Variants in SLC39A12 observed in about 807,000 individuals in gnomAD.
SLC39A12 encodes the protein solute carrier family 39 member 12, also known as zinc transporter ZIP12.
A neutral mutation model predicts 71.1 loss-of-function variants in SLC39A12; 63 were observed. The observed-to-expected ratio is 0.89, with a 90% CI of 0.72 to 1.09. The LOEUF is 1.09. Among genes scored for constraint, SLC39A12 ranks in the 50% least tolerant of loss-of-function variants. The probability of loss-of-function intolerance (pLI) is 0.00; values close to 1 mark genes in which losing one functional copy is unlikely to be tolerated. For synonymous variants in SLC39A12, 351 were observed against 301.3 expected, an observed-to-expected ratio of 1.16 and a Z score of -1.71; for missense variants, 892 against 812.6, an observed-to-expected ratio of 1.10 and a Z score of -1.19.
In SLC39A12 at chr10:17,998,282, C is replaced by T. The variant is rs536989021; in HGVS notation, c.1601-2385C>T. Reference sequence around the variant, plus strand: ...ACAAAATAATAGCAAAAATAGGCCACACTGGTTTCTAGCAGAGTGTAATAT... The same window carrying T: ...ACAAAATAATAGCAAAAATAGGCCATACTGGTTTCTAGCAGAGTGTAATAT... On this transcript the variant is annotated intron_variant, in intron 10 of 12. Transcript: ENST00000377369. Among the ~76,000 whole-genome samples the T allele has an allele frequency of 3.2e-3, 436 of 135,738 alleles. 2 individuals are homozygous for T. The highest frequency in any genetic ancestry group is 4.6e-3 in the Non-Finnish European group (281 of 60,712). 89.0% of individuals were successfully genotyped at this position (135,738 alleles called of 152,430 possible). A position where few individuals can be genotyped will look rare whatever the true frequency, so the allele number is the denominator to read the frequency against.
Position 17,954,879 on chromosome 10 carries a change from A to C in SLC39A12, c.261+1342A>C, listed in dbSNP as rs529574531. 7.9e-5 allele frequency among the ~76,000 whole-genome samples: 12 copies of C among 152,300 alleles called. No homozygotes were observed. The East Asian group carries it at 2.3e-3, about 29-fold the overall frequency. On this transcript the variant is annotated intron_variant, in intron 2 of 12. Transcript: ENST00000377369. ...CAAGTGTTTTGTTTTTTCATAACAG[A>C]AGAGTTCTTGCTCATAGAGAATTTT...
chr10:17,961,912 G>C, intron 3 of SLC39A12, 50 bp downstream of exon 3: 2 of 1,522,196 alleles, frequency 1.3e-6, no homozygotes, highest in Non-Finnish European at 1.8e-6. Flanking sequence ...TACAGTTCTA[G>C]AGCCTTATTG....
At chr10:17,990,535 C>G (rs963261319) in intron 7 of SLC39A12, among the ~76,000 whole-genome samples, 2 of 151,942 alleles carry the variant, frequency 1.3e-5, no homozygotes, top group African/African-American at 4.8e-5. Context: ...TGAGGTTGAC[C>G]AATGGAATGA....
At chr10:18,003,131 T>C in intron 11 of SLC39A12, 40 bp from the exon 12 acceptor site, 2 of 1,586,112 alleles carry the variant, frequency 1.3e-6, no homozygotes, top group South Asian at 1.1e-5. Context: ...GCGTCTTCCA[T>C]TAAATGATAA....
At chr10:18,035,665 A>G (rs532381085) in intron 12 of SLC39A12, among the ~76,000 whole-genome samples, 4 of 152,316 alleles carry the variant, frequency 2.6e-5, no homozygotes, top group African/African-American at 7.2e-5. Context: ...GTCATTCTCC[A>G]TCCAGCTTTG....
chr10:18,041,794 T>TATACATATGTATAC (rs1837256969), intron 12 of SLC39A12, among the ~76,000 whole-genome samples: 1 of 135,338 alleles, frequency 7.4e-6, no homozygotes, highest in Non-Finnish European at 1.7e-5. Flanking sequence ...CATATGTGTC[T>TATACATATGTATAC]ATATGTATAT....
rs2497827 is a variant in SLC39A12, at chr10:17,978,324, G to C, written c.924+250G>C. 5.3e-5 allele frequency among the ~76,000 whole-genome samples: 8 copies of C among 152,060 alleles called. No individual in the cohort carries two copies. The East Asian group carries it at 1.5e-3, about 29-fold the overall frequency. Reference sequence around the variant, plus strand: ...TTTTCCTCCCTTGGGTTCAGATTGAGTGAATTAATAATTCAGAAAACATAT... The same window carrying C: ...TTTTCCTCCCTTGGGTTCAGATTGACTGAATTAATAATTCAGAAAACATAT... On this transcript the variant is annotated intron_variant, in intron 5 of 12. Coordinates refer to ENST00000377369, the MANE Select transcript of SLC39A12 (RefSeq NM_001145195.2).
At chr10:17,953,645 A>G (rs1411606198) in intron 2 of SLC39A12, 108 bp downstream of exon 2, 3 of 1,305,000 alleles carry the variant, frequency 2.3e-6, no homozygotes, top group African/African-American at 3.0e-5. Context: ...ATCTTCCAAT[A>G]TGCAATTGAG....
chr10:18,000,257 G>A (rs1036810862), intron 10 of SLC39A12, among the ~76,000 whole-genome samples: 12 of 152,256 alleles, frequency 7.9e-5, no homozygotes, highest in African/African-American at 2.9e-4. Context: ...AAGTAGAAAC[G>A]TATGAATTTT....
At chr10:18,014,463 C>T (rs1328760021) in intron 12 of SLC39A12, among the ~76,000 whole-genome samples, 1 of 152,118 alleles carries the variant, frequency 6.6e-6, no homozygotes, top group Non-Finnish European at 1.5e-5. Context: ...AAAATATGTA[C>T]ATTAAAGACA....
chr10:17,952,700 G>A (rs1028110306), intron 1 of SLC39A12, among the ~76,000 whole-genome samples: 18 of 152,002 alleles, frequency 1.2e-4, no homozygotes, highest in Non-Finnish European at 2.2e-4. Flanking sequence ...TATTGGCCAG[G>A]CTGGTCTCAA....
chr10:18,041,459 G>C (rs1460950147), intron 12 of SLC39A12, among the ~76,000 whole-genome samples: 1 of 149,350 alleles, frequency 6.7e-6, no homozygotes, highest in East Asian at 2.0e-4. Context: ...TCCCACCACT[G>C]CACTCCAGCC....
At chr10:17,998,748 G>A (rs533173645) in intron 10 of SLC39A12, among the ~76,000 whole-genome samples, 2 of 152,158 alleles carry the variant, frequency 1.3e-5, no homozygotes, top group South Asian at 4.2e-4. Flanking sequence ...TCTCCTAGAC[G>A]GTAATTTGGG....
chr10:17,967,051 A>T (rs1413228965), intron 4 of SLC39A12, among the ~76,000 whole-genome samples: 2 of 152,190 alleles, frequency 1.3e-5, no homozygotes, highest in Non-Finnish European at 2.9e-5. Context: ...ATCAAAATAA[A>T]GTCCATAAAA....
At position 17,995,647 on chromosome 10, in the gene SLC39A12, T is replaced by C. The variant is rs1483898741; in HGVS notation, c.1534-9T>C. The C allele has an allele frequency of 3.1e-6, 5 of 1,609,900 alleles. No homozygotes were observed. Among genetic ancestry groups the C allele is most frequent in the African/African-American group, 1.3e-5 (1 of 74,682 alleles). ...TATCTTTCATCAGTTATTTTTTAATTTAAAATAGAAAAGCCCAGAAGATTC... is the reference window on the plus strand; with the variant it reads ...TATCTTTCATCAGTTATTTTTTAATCTAAAATAGAAAAGCCCAGAAGATTC... On this transcript the variant is annotated splice_polypyrimidine_tract_variant and intron_variant, in intron 9 of 12. Coordinates refer to ENST00000377369, the MANE Select transcript of SLC39A12 (RefSeq NM_001145195.2).
chr10:17,974,945 G>A (rs1054812899), intron 4 of SLC39A12, among the ~76,000 whole-genome samples: 10 of 152,264 alleles, frequency 6.6e-5, no homozygotes, highest in South Asian at 4.1e-4. Flanking sequence ...GTGTTCTACC[G>A]TATTGCAGCT....
At chr10:18,000,533 A>G in intron 10 of SLC39A12, 134 bp from the exon 11 acceptor site, 1 of 832,986 alleles carries the variant, frequency 1.2e-6, no homozygotes, top group East Asian at 2.5e-5. Context: ...TTTTGCGGAA[A>G]CAAAGTGATG....
intron 9 of SLC39A12, 65 bp downstream of exon 9, chr10:17,993,356 C>G: frequency 9.0e-7 from 1 of 1,112,600 alleles, no homozygotes; most frequent in Non-Finnish European, 1.3e-6. Context: ...CCTCAATGAA[C>G]AAATGAAAAT....
At chr10:17,973,222 T>C (rs188668252) in intron 4 of SLC39A12, among the ~76,000 whole-genome samples, 2 of 152,264 alleles carry the variant, frequency 1.3e-5, no homozygotes, top group Admixed American at 1.3e-4. Context: ...GTTGTAGTTA[T>C]TGTATTTCAT....
Sources: gnomAD v4.1 joint callset for allele counts (sites outside exome capture counted in the v4.1 genomes callset) on GRCh38, gnomAD v4.1.1 for gene constraint, MANE v1.5 for transcripts, NCBI Gene and HGNC (gene_info 2026-07-23, HGNC 2026-07-21) for gene names.